Variants in ARHGEF28 observed in about 807,000 individuals in gnomAD.
ARHGEF28 encodes Rho guanine nucleotide exchange factor 28.
Under a neutral mutation model 206.6 loss-of-function variants are expected in ARHGEF28, and 152 were observed. The ratio of observed to expected loss-of-function variants is 0.74; its 90% CI spans 0.64 to 0.84. The LOEUF (loss-of-function observed/expected upper bound fraction) is 0.84, where lower values mean the gene tolerates loss of function less well. Ranked by LOEUF, ARHGEF28 falls within the 40% of genes least tolerant of loss-of-function variation. ARHGEF28 has a pLI of 0.00. For synonymous variants in ARHGEF28, 763 were observed against 776.4 expected (o/e 0.98, Z 0.29); for missense variants, 2,028 against 2,073.2 (o/e 0.98, Z 0.42).
At chr5:73,912,577 G>A (rs1007428646) in intron 35 of ARHGEF28, among the ~76,000 whole-genome samples, 1 of 152,084 alleles carries the variant, frequency 6.6e-6, no homozygotes, top group Non-Finnish European at 1.5e-5. Context: ...TCTTAATAGT[G>A]GCTAATTCTT....
In ARHGEF28 at chr5:73,803,945, G is replaced by A. The variant is rs948559940; in HGVS notation, c.1024+8554G>A. Reference sequence around the variant, plus strand: ...CTACAAAAATTTTAAAAAATTAGCCGGGCATGGTACATGCCTGTGGTCCTA... The same window carrying A: ...CTACAAAAATTTTAAAAAATTAGCCAGGCATGGTACATGCCTGTGGTCCTA... On this transcript the variant is annotated intron_variant, in intron 9 of 35. Coordinates refer to ENST00000513042, the MANE Select transcript of ARHGEF28 (RefSeq NM_001177693.2). Among the ~76,000 whole-genome samples, 4 of 151,924 alleles carry A rather than the reference G, an allele frequency of 2.6e-5. No individual in the cohort carries two copies. In the East Asian group the frequency reaches 5.8e-4, roughly 22 times the overall value.
intron 1 of ARHGEF28, among the ~76,000 whole-genome samples, chr5:73,640,857 G>T (rs1744034521): frequency 1.3e-5 from 2 of 152,172 alleles, no homozygotes; most frequent in Admixed American, 1.3e-4. Flanking sequence ...AGTTATTTAG[G>T]ACATAGATTT....
intron 35 of ARHGEF28, among the ~76,000 whole-genome samples, chr5:73,916,072 T>C (rs1004676826): frequency 2.0e-5 from 3 of 152,206 alleles, no homozygotes; most frequent in African/African-American, 7.2e-5. Context: ...TAATTTTTTT[T>C]TAAAAGACAG....
chr5:73,788,891 T>C (rs1458750312), intron 7 of ARHGEF28, among the ~76,000 whole-genome samples: 3 of 152,038 alleles, frequency 2.0e-5, no homozygotes, highest in African/African-American at 7.3e-5. Flanking sequence ...CTCTCCATAA[T>C]TGAATTCTTT....
In ARHGEF28 at chr5:73,761,464, G is replaced by T. The variant is rs112456024; in HGVS notation, c.475+8262G>T. Among the ~76,000 whole-genome samples, 106 of 152,228 alleles carry T rather than the reference G, an allele frequency of 7.0e-4. 2 individuals carry two copies. The highest frequency in any genetic ancestry group is 2.4e-3 in the African/African-American group (101 of 41,550). ...GGAGAGATCTGGGGAGGAGAGTGAGGCAGGGAGCCAGAAGAGATGGTACAT... is the reference window on the plus strand; with the variant it reads ...GGAGAGATCTGGGGAGGAGAGTGAGTCAGGGAGCCAGAAGAGATGGTACAT... On this transcript the variant is annotated intron_variant, in intron 4 of 35. Transcript: ENST00000513042.
At chr5:73,780,526 A>G (rs1753780195) in intron 6 of ARHGEF28, 150 bp from the exon 7 acceptor site, 1 of 731,746 alleles carries the variant, frequency 1.4e-6, no homozygotes, top group Admixed American at 2.7e-5. Context: ...TGCTGGCTAT[A>G]TGTTCTCCCA....
At chr5:73,739,181 T>C (rs553063053) in intron 2 of ARHGEF28, among the ~76,000 whole-genome samples, 54 of 152,320 alleles carry the variant, frequency 3.5e-4, no homozygotes, top group African/African-American at 1.3e-3. Context: ...GTAATCTTGA[T>C]AAAACTTTAT....
At position 73,682,069 on chromosome 5, in the gene ARHGEF28, G is replaced by A. The variant is rs147367053; in HGVS notation, c.-11-2772G>A. Among the ~76,000 whole-genome samples, 410 of 152,336 alleles carry A rather than the reference G, an allele frequency of 2.7e-3. 1 individual carries two copies. Among genetic ancestry groups the A allele is most frequent in the Admixed American group, 4.9e-3 (75 of 15,308 alleles). On this transcript the variant is annotated intron_variant, in intron 1 of 35. Coordinates refer to ENST00000513042, the MANE Select transcript of ARHGEF28 (RefSeq NM_001177693.2). The stretch of plus-strand genomic sequence containing the variant: ...GCTGCATTCCAGCCTGGATGACAGA[G>A]TGATACTGTTTCAAATAATAACAAT...
Position 73,909,982 on chromosome 5 carries a change from G to C in ARHGEF28, c.4647+85G>C, listed in dbSNP as rs1000282107. 4 of 1,413,612 alleles carry C rather than the reference G, an allele frequency of 2.8e-6. No homozygotes were observed. In the African/African-American group the frequency reaches 5.8e-5, roughly 21 times the overall value. 87.6% of individuals were successfully genotyped at this position (1,413,612 alleles called of 1,614,324 possible). ...CTCCTAGGACACTAACCAAACATCT[G>C]TCATTTTGGATTTGTGTAAGAAGAC... On this transcript the variant is annotated intron_variant, in intron 34 of 35. Coordinates refer to ENST00000513042, the MANE Select transcript of ARHGEF28 (RefSeq NM_001177693.2).
At chr5:73,871,419 G>T (rs992394328) in intron 21 of ARHGEF28, among the ~76,000 whole-genome samples, 6 of 152,238 alleles carry the variant, frequency 3.9e-5, no homozygotes, top group South Asian at 2.1e-4. Flanking sequence ...TCCAATTAAA[G>T]AAATTTTTAT....
At chr5:73,704,144 A>G (rs1411253971) in intron 2 of ARHGEF28, among the ~76,000 whole-genome samples, 2 of 152,118 alleles carry the variant, frequency 1.3e-5, no homozygotes, top group African/African-American at 4.8e-5. Flanking sequence ...TGGGAGGTCT[A>G]TGCTTCTCCC....
At chr5:73,842,483 AG>A (rs1758048508) in intron 11 of ARHGEF28, among the ~76,000 whole-genome samples, 1 of 152,214 alleles carries the variant, frequency 6.6e-6, no homozygotes, top group African/African-American at 2.4e-5. Flanking sequence ...AAATAATAAA[AG>A]ACTTGCTTTA....
Position 73,846,526 on chromosome 5 carries a change from G to A in ARHGEF28, c.1635+51G>A, listed in dbSNP as rs961163226. The stretch of plus-strand genomic sequence containing the variant: ...ATATTGCAAGTGTGGAGAATATGTT[G>A]TCTGCATTTACCCATCTGTATCTGA... On this transcript the variant is annotated intron_variant, in intron 12 of 35. Transcript: ENST00000513042. The A allele has an allele frequency of 1.4e-5, 21 of 1,545,072 alleles. No homozygotes were observed. The Middle Eastern group carries it at 1.1e-3, about 79-fold the overall frequency.
intron 2 of ARHGEF28, among the ~76,000 whole-genome samples, chr5:73,724,767 C>T (rs1052044280): frequency 5.9e-5 from 9 of 152,198 alleles, no homozygotes; most frequent in Non-Finnish European, 1.5e-5. Context: ...AGTAGTATTA[C>T]ATTGTGTGGA....
chr5:73,654,802 A>T (rs529781263), intron 1 of ARHGEF28, among the ~76,000 whole-genome samples: 1 of 152,206 alleles, frequency 6.6e-6, no homozygotes, highest in East Asian at 1.9e-4. Context: ...TGTGTGTCTG[A>T]TCATTTTCTA....
chr5:73,824,915 C>T (rs1040197586), intron 9 of ARHGEF28, among the ~76,000 whole-genome samples: 23 of 152,102 alleles, frequency 1.5e-4, no homozygotes, highest in Admixed American at 1.5e-3. Context: ...TGAAAGAAGA[C>T]AGTGACACTC....
chr5:73,804,066 CAG>C (rs975958400), intron 9 of ARHGEF28, among the ~76,000 whole-genome samples: 27 of 112,808 alleles, frequency 2.4e-4, no homozygotes, highest in Admixed American at 1.8e-3. Flanking sequence ...GCCTGGATGA[CAG>C]AGTGAGACCC....
intron 9 of ARHGEF28, among the ~76,000 whole-genome samples, chr5:73,826,701 G>T (rs1227930612): frequency 6.6e-6 from 1 of 152,156 alleles, no homozygotes; most frequent in Non-Finnish European, 1.5e-5. Context: ...AATGTCAGAA[G>T]GGAGGCATCT....
At chr5:73,750,542 T>A (rs1305247518) in intron 3 of ARHGEF28, among the ~76,000 whole-genome samples, 1 of 152,084 alleles carries the variant, frequency 6.6e-6, no homozygotes, top group East Asian at 1.9e-4. Context: ...TCAAAATGCT[T>A]ACATTTGGAA....
Sources: gnomAD v4.1 joint callset for allele counts (sites outside exome capture counted in the v4.1 genomes callset) on GRCh38, gnomAD v4.1.1 for gene constraint, MANE v1.5 for transcripts, NCBI Gene and HGNC (gene_info 2026-07-23, HGNC 2026-07-21) for gene names.